The following PRICKLE4 variants were observed in gnomAD, a reference collection of about 807,000 sequenced individuals.
PRICKLE4 encodes the protein prickle-like protein 4.
PRICKLE4 carries 40 observed loss-of-function variants against 43.5 expected under a neutral mutation model. That is an observed-to-expected ratio of 0.92 (90% CI 0.71 to 1.20). The LOEUF (loss-of-function observed/expected upper bound fraction) is 1.20. Ranked by LOEUF, PRICKLE4 falls within the 50% of genes most tolerant of loss-of-function variation. The pLI is 0.00. For synonymous variants in PRICKLE4, 208 were observed against 197.4 expected, an observed-to-expected ratio of 1.05 and a Z score of -0.45; for missense variants, 527 against 491.2, an observed-to-expected ratio of 1.07 and a Z score of -0.69.
In PRICKLE4 at chr6:41,783,492, G is replaced by C; in HGVS notation, c.19G>C (p.Gly7Arg). 6.5e-7 allele frequency: 1 copy of C among 1,537,194 alleles called. No individual in the cohort carries two copies. The highest frequency in any genetic ancestry group is 9.0e-7 in the Non-Finnish European group (1 of 1,115,424). Residue 7 changes from glycine (G) to arginine (R), a missense_variant, in exon 3 of 8, where the codon GGC (glycine) becomes CGC (arginine). Transcript: ENST00000458694. ...GCCACAAATGTCAGTGCAGAACTCTGGCTGGCCCCACCAAGAAGACAGCCC... is the reference window on the plus strand; with the variant it reads ...GCCACAAATGTCAGTGCAGAACTCTCGCTGGCCCCACCAAGAAGACAGCCC... MSVQNS[G>R]WPHQEDSPKP...
At chr6:41,783,426 C>T in intron 2 of PRICKLE4, 36 bp from the exon 3 acceptor site, 1 of 1,447,068 alleles carries the variant, frequency 6.9e-7, no homozygotes, top group Non-Finnish European at 9.4e-7. Context: ...TTGTAACGGC[C>T]TAATACATGG....
intron 6 of PRICKLE4, 56 bp from the exon 7 acceptor site, chr6:41,786,072 G>C: frequency 6.5e-7 from 1 of 1,545,356 alleles, no homozygotes; most frequent in Non-Finnish European, 8.9e-7. Flanking sequence ...GTTACTGGAT[G>C]AATGAATGAG....
At position 41,785,023 on chromosome 6, in the gene PRICKLE4, G is replaced by T; in HGVS notation, c.329G>T (p.Gly110Val). The T allele has an allele frequency of 6.2e-7, 1 of 1,613,540 alleles. No homozygotes were observed. The highest frequency in any genetic ancestry group is 2.2e-5 in the East Asian group (1 of 44,872). Residue 110 changes from glycine to valine, a missense_variant, in exon 5 of 8, where the codon GGG (glycine) becomes GTG (valine). By Grantham distance (109) the Gly-to-Val change is moderately radical (BLOSUM62 -3). Coordinates refer to ENST00000458694, the MANE Select transcript of PRICKLE4 (RefSeq NM_013397.6). ...CGGAAGCAGGAAGCCCTGGGACAGG[G>T]GGTAGCCCGCCTGGTACTTCCCAAG... Reference protein sequence around the residue: ...ARRKQEALGQGVARLVLPKLE... With the variant: ...ARRKQEALGQVVARLVLPKLE...
At chr6:41,783,030 G>A (rs570130303) in intron 2 of PRICKLE4, among the ~76,000 whole-genome samples, 77 of 152,272 alleles carry the variant, frequency 5.1e-4, no homozygotes, top group South Asian at 2.1e-4. Flanking sequence ...CTGGGCCCAT[G>A]TAGGAAGTTG....
intron 6 of PRICKLE4, among the ~76,000 whole-genome samples, 199 bp downstream of exon 6, chr6:41,785,739 C>T (rs1772632476): frequency 6.6e-6 from 1 of 152,206 alleles, no homozygotes; most frequent in Admixed American, 6.5e-5. Flanking sequence ...CTCTGGCCTC[C>T]CCCACTGCAG....
At chr6:41,782,620 C>T (rs893414768) in intron 2 of PRICKLE4, among the ~76,000 whole-genome samples, 10 of 151,008 alleles carry the variant, frequency 6.6e-5, no homozygotes, top group African/African-American at 2.4e-4. Flanking sequence ...TCTCGATCTC[C>T]TGACCTCGTG....
chr6:41,786,599 C>T, intron 7 of PRICKLE4, 163 bp from the exon 8 acceptor site: 1 of 1,260,352 alleles, frequency 7.9e-7, no homozygotes, highest in Non-Finnish European at 1.1e-6. Context: ...CGGACGCCCT[C>T]TGGTGGAGGC....
chr6:41,786,815 G>A lies in PRICKLE4; in HGVS notation c.841G>A (p.Ala281Thr), dbSNP rs1581980305. Residue 281 changes from alanine to threonine, a missense_variant, in exon 8 of 8, where the codon GCA (alanine) becomes ACA (threonine). By Grantham distance (58) the Ala-to-Thr change is moderately conservative (BLOSUM62 0). Coordinates refer to ENST00000458694, the MANE Select transcript of PRICKLE4 (RefSeq NM_013397.6). ...EGRDQTSVNS[A>T]TLSRTLLAAA... ...AAGGGACCAAACCTCGGTGAACTCT[G>A]CAACCCTCTCCCGAACACTCCTCGC... 1 of 1,597,240 alleles carries A rather than the reference G, an allele frequency of 6.3e-7. No individual in the cohort carries two copies. The highest frequency in any genetic ancestry group is 1.1e-5 in the South Asian group (1 of 89,518).
chr6:41,781,578 G>T, intron 2 of PRICKLE4, 58 bp downstream of exon 2: 1 of 153,050 alleles, frequency 6.5e-6, no homozygotes, highest in Non-Finnish European at 1.5e-5. Context: ...AGTGGGAGTG[G>T]AGGGGCGGTG....
chr6:41,785,551 G>A lies in PRICKLE4; in HGVS notation c.582+11G>A. On this transcript the variant is annotated intron_variant, in intron 6 of 7. Coordinates refer to ENST00000458694, the MANE Select transcript of PRICKLE4 (RefSeq NM_013397.6). ...CCGGCTTGTGACCAGGTACAGCCTG[G>A]AGGGGAGGAACTGGGGGTCTGCCCA... 1 of 1,610,540 alleles carries A rather than the reference G, an allele frequency of 6.2e-7. No homozygotes were observed. The highest frequency in any genetic ancestry group is 8.5e-7 in the Non-Finnish European group (1 of 1,179,504).
At position 41,786,130 on chromosome 6, in the gene PRICKLE4, G is replaced by C; in HGVS notation, c.585G>C (p.Leu195=). Residue 195 remains leucine, a splice_region_variant and synonymous_variant, in exon 7 of 8, where the codon CTG becomes CTC. Coordinates refer to ENST00000458694, the MANE Select transcript of PRICKLE4 (RefSeq NM_013397.6). ...CCCTCTCCCTCTCCCTCTCCCAGCT[G>C]ATCTTCTCCTGGCGCTGCACCGAGG... ...LRPRCPACDQ[L]IFSWRCTEAE... 1 of 1,613,218 alleles carries C rather than the reference G, an allele frequency of 6.2e-7. No homozygotes were observed.
chr6:41,786,833 C>T lies in PRICKLE4; in HGVS notation c.859C>T (p.Leu287Phe). The T allele has an allele frequency of 6.4e-7, 1 of 1,554,378 alleles. No homozygotes were observed. Among genetic ancestry groups the T allele is most frequent in the Non-Finnish European group, 8.6e-7 (1 of 1,156,872 alleles). ...GAACTCTGCAACCCTCTCCCGAACA[C>T]TCCTCGCTGCTGCCGGCGGTTCCAG... ...SVNSATLSRT[L>F]LAAAGGSSLQ... The change falls in exon 8 of 8, where the codon CTC becomes TTC. Residue 287 changes from leucine to phenylalanine, a missense_variant. Physicochemically the swap from Leu to Phe is conservative, Grantham distance 22. Coordinates refer to ENST00000458694, the MANE Select transcript of PRICKLE4 (RefSeq NM_013397.6).
Position 41,783,029 on chromosome 6 carries a change from T to C in PRICKLE4, c.-12-433T>C, listed in dbSNP as rs138159466. 5.9e-5 allele frequency among the ~76,000 whole-genome samples: 9 copies of C among 152,084 alleles called. No individual in the cohort carries two copies. The East Asian group carries it at 1.7e-3, about 29-fold the overall frequency. ...TATATAGCTGGAAAACCTGGGCCCA[T>C]GTAGGAAGTTGTGAACAAGGAGGCT... On this transcript the variant is annotated intron_variant, in intron 2 of 7. Transcript: ENST00000458694.
chr6:41,783,550 C>CA lies in PRICKLE4; in HGVS notation c.78dup (p.Asp27ArgfsTer3). The CA allele has an allele frequency of 6.2e-7, 1 of 1,613,408 alleles. No individual in the cohort carries two copies. The highest frequency in any genetic ancestry group is 8.5e-7 in the Non-Finnish European group (1 of 1,179,584). ...CAGGATCCAGGTCCACCAGCCAACT[C>CA]AGACAGTGACTCAGGCCACCTGCCG... is the stretch of plus-strand genomic sequence containing the variant. On this transcript the variant is annotated frameshift_variant, in exon 3 of 8. Transcript: ENST00000458694. LOFTEE classifies it high-confidence loss of function.
rs1772595404 is a variant in PRICKLE4 at position 41,783,878 on chromosome 6, A to C, written c.133-253A>C. On this transcript the variant is annotated intron_variant, in intron 3 of 7. Transcript: ENST00000458694. ...CCCCAAGGCGTGAAGGGGGTTAAGA[A>C]GGGAAAGCATAAGAAGGGAAGCTGT... 3 of 735,212 alleles carry C rather than the reference A, an allele frequency of 4.1e-6. No homozygotes were observed. The South Asian group carries it at 4.5e-5, about 11-fold the overall frequency. 45.5% of individuals were successfully genotyped at this position (735,212 alleles called of 1,614,324 possible). A position where few individuals can be genotyped will look rare whatever the true frequency, so the allele number is the denominator to read the frequency against.
chr6:41,783,142 C>A (rs971587436), intron 2 of PRICKLE4, among the ~76,000 whole-genome samples: 1 of 152,166 alleles, frequency 6.6e-6, no homozygotes, highest in African/African-American at 2.4e-5. Flanking sequence ...ACCAGAAAGG[C>A]AAAGTGCCCT....
At chr6:41,783,895 G>A (rs1772595598) in intron 3 of PRICKLE4, 4 of 725,502 alleles carry the variant, frequency 5.5e-6, no homozygotes, top group Non-Finnish European at 1.0e-5. Flanking sequence ...GCATAAGAAG[G>A]GAAGCTGTTT....
chr6:41,782,056 A>G (rs996163206), intron 2 of PRICKLE4, among the ~76,000 whole-genome samples: 1 of 143,858 alleles, frequency 7.0e-6, no homozygotes, highest in Admixed American at 7.0e-5. Context: ...TCTTCTCTAC[A>G]TTAATAGTCG....
At position 41,785,442 on chromosome 6, in the gene PRICKLE4, G is replaced by A. The variant is rs768853004; in HGVS notation, c.484G>A (p.Ala162Thr). 6.2e-7 allele frequency: 1 copy of A among 1,614,104 alleles called. No homozygotes were observed. The highest frequency in any genetic ancestry group is 1.7e-5 in the Admixed American group (1 of 60,030). The stretch of plus-strand genomic sequence containing the variant: ...CTTTGCCTGCCAGGCCTGTGGCCAG[G>A]CCCTGATAAACCTCATCTACTTCTA... The part of the protein sequence containing the change: ...PCFACQACGQ[A>T]LINLIYFYHD... Residue 162 changes from alanine to threonine, a missense_variant, in exon 6 of 8, where the codon GCC (alanine) becomes ACC (threonine). Coordinates refer to ENST00000458694, the MANE Select transcript of PRICKLE4 (RefSeq NM_013397.6).
Sources: gnomAD v4.1 joint callset for allele counts (sites outside exome capture counted in the v4.1 genomes callset) on GRCh38, gnomAD v4.1.1 for gene constraint, MANE v1.5 for transcripts, NCBI Gene and HGNC (gene_info 2026-07-23, HGNC 2026-07-21) for gene names.